Variants in SPG7 observed in about 807,000 individuals in gnomAD.
The protein encoded by SPG7 is mitochondrial inner membrane m-AAA protease component paraplegin.
In SPG7, 103 loss-of-function variants were observed where a neutral mutation model predicts 81.9. That is an observed-to-expected ratio of 1.26 (90% CI 1.07 to 1.48). SPG7 has a LOEUF of 1.48. Among genes scored for constraint, SPG7 ranks in the 40% most tolerant of loss-of-function variants. The probability of loss-of-function intolerance (pLI) is 0.00; values close to 1 mark genes in which losing one functional copy is unlikely to be tolerated. For synonymous variants in SPG7, 534 were observed against 444.2 expected (o/e 1.20, Z -2.54); for missense variants, 1,241 against 1,087.3 (o/e 1.14, Z -1.99).
intron 3 of SPG7, chr16:89,520,031 G>T (rs558731133): frequency 1.3e-5 from 2 of 152,274 alleles, no homozygotes; most frequent in African/African-American, 4.8e-5. Context: ...CGTCCACGAG[G>T]TGTGCATATG....
chr16:89,544,814 G>A (rs771842829), intron 10 of SPG7, 42 bp downstream of exon 10: 47 of 1,611,270 alleles, frequency 2.9e-5, no homozygotes, highest in Non-Finnish European at 3.7e-5. Context: ...CACCTGGGCC[G>A]CCCCCACTCG....
rs1421957566 is a variant in SPG7 at position 89,510,552 on chromosome 16, A to G, written c.246A>G (p.Gln82=). 7 of 1,613,272 alleles carry G rather than the reference A, an allele frequency of 4.3e-6. No individual in the cohort carries two copies. The highest frequency in any genetic ancestry group is 5.9e-6 in the Non-Finnish European group (7 of 1,179,654). The change falls in exon 2 of 17, where the codon CAA becomes CAG. Residue 82 remains glutamine, a synonymous_variant. Transcript: ENST00000645818. ...GGATCAACGGATTGTTGTTGAAACA[A>G]CATTTAGTTCAGAATCCAGTCAGAC... is the stretch of plus-strand genomic sequence containing the variant. ...FEGINGLLLK[Q]HLVQNPVRLW... is the part of the protein sequence containing the mutation.
intron 4 of SPG7, among the ~76,000 whole-genome samples, chr16:89,525,198 C>T (rs1254684915): frequency 2.0e-5 from 3 of 152,072 alleles, no homozygotes; most frequent in Non-Finnish European, 2.9e-5. Context: ...GAACTCCTGG[C>T]CTCAAGTGAT....
intron 12 of SPG7, chr16:89,548,842 T>C (rs1481870514): frequency 7.0e-6 from 3 of 431,462 alleles, no homozygotes; most frequent in Non-Finnish European, 1.4e-5. Context: ...GTGAGACAGG[T>C]TGAACGTTTG....
Position 89,557,197 on chromosome 16 carries a change from T to C in SPG7, c.*104T>C. On this transcript the variant is annotated 3_prime_UTR_variant, in exon 17 of 17. Coordinates refer to ENST00000645818, the MANE Select transcript of SPG7 (RefSeq NM_003119.4). The stretch of plus-strand genomic sequence containing the variant: ...AGGTTTGCACTTCCTCTCGCGGCCC[T>C]CAGTAGTCCCTGCACAGTGACTTCT... 2 of 763,536 alleles carry C rather than the reference T, an allele frequency of 2.6e-6. No individual in the cohort carries two copies. Among genetic ancestry groups the C allele is most frequent in the East Asian group, 5.3e-5 (2 of 37,578 alleles). The allele number at this position is 763,536 out of a possible 1,614,324, so 47.3% of individuals were successfully genotyped here.
chr16:89,538,999 G>A (rs1302719296), intron 9 of SPG7: 1 of 149,208 alleles, frequency 6.7e-6, no homozygotes, highest in Non-Finnish European at 1.5e-5. Flanking sequence ...GAGCTAAGGG[G>A]TGGGAGCTCA....
chr16:89,532,665 T>C (rs749529549), intron 9 of SPG7, 29 bp downstream of exon 9: 10 of 1,612,000 alleles, frequency 6.2e-6, no homozygotes, highest in Non-Finnish European at 8.5e-6. Flanking sequence ...CGCACCCCCA[T>C]TGCACCATCA....
At chr16:89,530,494 G>T in intron 6 of SPG7, 189 bp from the exon 7 acceptor site, 1 of 694,846 alleles carries the variant, frequency 1.4e-6, no homozygotes, top group South Asian at 1.6e-5. Context: ...ACTAATTAAT[G>T]ACGAAACATT....
chr16:89,544,890 T>G, intron 10 of SPG7, 118 bp downstream of exon 10: 2 of 1,293,568 alleles, frequency 1.5e-6, no homozygotes, highest in Non-Finnish European at 2.2e-6. Context: ...GCCCCACAGG[T>G]GCTGGCAGTG....
chr16:89,536,765 G>A (rs773551888), intron 9 of SPG7: 1 of 1,613,840 alleles, frequency 6.2e-7, no homozygotes, highest in East Asian at 2.2e-5. Context: ...CTCCAACCAG[G>A]TGCCTCTCTT....
chr16:89,511,309 C>G (rs2058019140), intron 2 of SPG7, among the ~76,000 whole-genome samples: 1 of 152,172 alleles, frequency 6.6e-6, no homozygotes, highest in Non-Finnish European at 1.5e-5. Context: ...ATAATTTGCT[C>G]TTCAATAAAT....
chr16:89,543,520 T>G (rs550306257), intron 9 of SPG7: 1 of 151,788 alleles, frequency 6.6e-6, no homozygotes, highest in East Asian at 2.0e-4. Context: ...TGTATTTTAG[T>G]AGAAATGAGG....
chr16:89,509,304 G>A (rs1489870420), intron 1 of SPG7, among the ~76,000 whole-genome samples: 1 of 152,128 alleles, frequency 6.6e-6, no homozygotes, highest in African/African-American at 2.4e-5. Context: ...CGCCCAGGCT[G>A]GAGTGCAATG....
chr16:89,552,122 G>A (rs4785577), intron 13 of SPG7: 32,147 of 152,092 alleles, frequency 0.21, 4,193 homozygotes, highest in Middle Eastern at 0.38. Flanking sequence ...CCAGTGGTGC[G>A]ATCACAGCTC....
At chr16:89,525,125 AATTTTTAAATTTTTTGTTTTTTTGGAGAG>A (rs1440357888) in intron 4 of SPG7, among the ~76,000 whole-genome samples, 40 of 151,562 alleles carry the variant, frequency 2.6e-4, no homozygotes, top group Non-Finnish European at 4.9e-4. Flanking sequence ...ACACTTGGCT[AATTTTTAAATTTTTTGTTTTTTTGGAGAG>A]ATGAGGTCTC....
chr16:89,527,238 G>A (rs1253173858), intron 5 of SPG7: 1 of 152,490 alleles, frequency 6.6e-6, no homozygotes, highest in African/African-American at 2.4e-5. Flanking sequence ...CTGTGGCTGT[G>A]GAGGCCAACC....
At chr16:89,518,319 G>A (rs2058130285) in intron 3 of SPG7, 1 of 152,238 alleles carries the variant, frequency 6.6e-6, no homozygotes, top group African/African-American at 2.4e-5. Flanking sequence ...AAAAGTATTT[G>A]CTTGGAATAC....
At chr16:89,530,951 C>A in intron 7 of SPG7, 143 bp downstream of exon 7, 1 of 1,078,452 alleles carries the variant, frequency 9.3e-7, no homozygotes, top group Non-Finnish European at 1.4e-6. Context: ...ATGGGGACAC[C>A]AAGCAGGTGC....
chr16:89,508,874 C>T (rs191787402), intron 1 of SPG7: 8 of 646,144 alleles, frequency 1.2e-5, no homozygotes, highest in South Asian at 6.0e-5. Context: ...ATGTTCTCCG[C>T]CCGTCTTCCT....
Sources: gnomAD v4.1 joint callset for allele counts (sites outside exome capture counted in the v4.1 genomes callset) on GRCh38, gnomAD v4.1.1 for gene constraint, MANE v1.5 for transcripts, NCBI Gene and HGNC (gene_info 2026-07-23, HGNC 2026-07-21) for gene names.